Variants in DNAJC24 observed in about 807,000 individuals in gnomAD.
DNAJC24 encodes the protein DnaJ heat shock protein family (Hsp40) member C24.
DNAJC24 carries 17 observed loss-of-function variants against 18.0 expected under a neutral mutation model. The observed-to-expected ratio is 0.94, with a 90% confidence interval of 0.65 to 1.42. DNAJC24 has a LOEUF of 1.42. DNAJC24 is among the 40% of genes most tolerant of loss of function. The pLI is 0.00. For missense variants in DNAJC24, 158 were observed against 175.6 expected (o/e 0.90, Z 0.57); for synonymous variants, 55 against 57.7 (o/e 0.95, Z 0.21).
At chr11:31,376,965 A>T (rs1952321881) in intron 2 of DNAJC24, among the ~76,000 whole-genome samples, 2 of 152,126 alleles carry the variant, frequency 1.3e-5, no homozygotes, top group Admixed American at 6.5e-5. Context: ...CATATTATTT[A>T]TAATGTTTAT....
At chr11:31,422,344 C>A (rs1022119993) in intron 3 of DNAJC24, among the ~76,000 whole-genome samples, 37 of 152,164 alleles carry the variant, frequency 2.4e-4, no homozygotes, top group African/African-American at 8.4e-4. Flanking sequence ...AATCAGGAAT[C>A]TTTTAGTATC....
At chr11:31,410,974 A>G (rs911245859) in intron 2 of DNAJC24, among the ~76,000 whole-genome samples, 2 of 152,148 alleles carry the variant, frequency 1.3e-5, no homozygotes, top group Middle Eastern at 3.2e-3. Context: ...CTTTTATTTG[A>G]TAGGTGAATG....
Position 31,372,949 on chromosome 11 carries a change from G to T in DNAJC24, c.111+2090G>T, listed in dbSNP as rs534183800. 1.5e-5 allele frequency among the ~76,000 whole-genome samples: 2 copies of T among 134,994 alleles called. 1 individual carries two copies. Among genetic ancestry groups the T allele is most frequent in the Admixed American group, 1.5e-4 (2 of 13,148 alleles). 88.6% of individuals were successfully genotyped at this position (134,994 alleles called of 152,430 possible). On this transcript the variant is annotated intron_variant, in intron 2 of 4. Coordinates refer to ENST00000465995, the MANE Select transcript of DNAJC24 (RefSeq NM_181706.5). ...ATCACTGGACTACTCTACAGTGTCT[G>T]GTCATACCCCATTGTGGGGTTGTTG...
chr11:31,398,184 C>T (rs574836948), intron 2 of DNAJC24, among the ~76,000 whole-genome samples: 310 of 152,170 alleles, frequency 2.0e-3, no homozygotes, highest in Middle Eastern at 0.017. Context: ...ACTTTAACTA[C>T]AGTTATTAAA....
intron 2 of DNAJC24, among the ~76,000 whole-genome samples, chr11:31,383,448 A>T (rs916825539): frequency 6.6e-6 from 1 of 152,152 alleles, no homozygotes; most frequent in Non-Finnish European, 1.5e-5. Context: ...AAATACATGT[A>T]TTTCTCATAT....
intron 3 of DNAJC24, among the ~76,000 whole-genome samples, chr11:31,418,837 TC>T: frequency 6.6e-6 from 1 of 152,136 alleles, no homozygotes; most frequent in South Asian, 2.1e-4. Context: ...ATTTGCTCCA[TC>T]CCTTTATTAG....
chr11:31,419,366 G>A (rs955834383), intron 3 of DNAJC24, among the ~76,000 whole-genome samples: 3 of 152,006 alleles, frequency 2.0e-5, no homozygotes, highest in Admixed American at 2.0e-4. Flanking sequence ...TCTTGAGTGG[G>A]AGAAGACAGT....
At chr11:31,391,901 G>A (rs553959485) in intron 2 of DNAJC24, among the ~76,000 whole-genome samples, 2 of 152,196 alleles carry the variant, frequency 1.3e-5, no homozygotes, top group East Asian at 1.9e-4. Context: ...TATACACAAC[G>A]GAGTCCTATT....
At chr11:31,402,282 T>G (rs1239222594) in intron 2 of DNAJC24, among the ~76,000 whole-genome samples, 1 of 152,148 alleles carries the variant, frequency 6.6e-6, no homozygotes, top group East Asian at 1.9e-4. Context: ...TATAAAAGAT[T>G]AAAAATGATA....
intron 3 of DNAJC24, among the ~76,000 whole-genome samples, chr11:31,417,743 A>G (rs986739063): frequency 6.6e-6 from 1 of 152,082 alleles, no homozygotes; most frequent in Non-Finnish European, 1.5e-5. Context: ...GAAATGCTTT[A>G]TTGGCTGGTC....
At chr11:31,372,042 C>T (rs1253493736) in intron 2 of DNAJC24, among the ~76,000 whole-genome samples, 4 of 151,590 alleles carry the variant, frequency 2.6e-5, no homozygotes, top group Non-Finnish European at 4.4e-5. Flanking sequence ...AGGCTGGTCT[C>T]GAACACCTGA....
intron 2 of DNAJC24, among the ~76,000 whole-genome samples, chr11:31,413,940 A>G (rs1353023770): frequency 6.6e-6 from 1 of 152,216 alleles, no homozygotes; most frequent in Non-Finnish European, 1.5e-5. Flanking sequence ...TTAGATAAAA[A>G]GAGAAGGGAG....
intron 2 of DNAJC24, among the ~76,000 whole-genome samples, chr11:31,404,343 T>A (rs988376169): frequency 2.0e-5 from 3 of 152,180 alleles, no homozygotes; most frequent in Non-Finnish European, 4.4e-5. Flanking sequence ...GAACCAAACA[T>A]TTTGTGACTT....
At chr11:31,400,663 C>A (rs1952592686) in intron 2 of DNAJC24, among the ~76,000 whole-genome samples, 1 of 152,220 alleles carries the variant, frequency 6.6e-6, no homozygotes, top group African/African-American at 2.4e-5. Context: ...GCTGGGAAAA[C>A]TGGCTAGCCA....
intron 2 of DNAJC24, among the ~76,000 whole-genome samples, chr11:31,379,970 A>G (rs186947545): frequency 1.0e-3 from 155 of 151,982 alleles, no homozygotes; most frequent in African/African-American, 3.6e-3. Context: ...GGGTTTCACC[A>G]TGTTAGCCAA....
chr11:31,417,948 G>C (rs1045398940), intron 3 of DNAJC24, among the ~76,000 whole-genome samples: 10 of 152,044 alleles, frequency 6.6e-5, no homozygotes, highest in Non-Finnish European at 8.8e-5. Context: ...CTCCAGGGCA[G>C]ATAACCCAAA....
chr11:31,430,546 A>G lies in DNAJC24; in HGVS notation c.*145A>G, dbSNP rs923421907. 4.5e-5 allele frequency: 19 copies of G among 418,508 alleles called. No individual in the cohort carries two copies. The highest frequency in any genetic ancestry group is 7.2e-5 in the Non-Finnish European group (18 of 250,436). 25.9% of individuals were successfully genotyped at this position (418,508 alleles called of 1,614,324 possible). On this transcript the variant is annotated 3_prime_UTR_variant, in exon 5 of 5. Coordinates refer to ENST00000465995, the MANE Select transcript of DNAJC24 (RefSeq NM_181706.5). ...ACAATTATCAAGCAGAGACCACCTC[A>G]GATTAATAGAGAATGAATATAATTA...
intron 4 of DNAJC24, 102 bp downstream of exon 4, chr11:31,426,457 A>AGTGT: frequency 1.5e-6 from 1 of 664,322 alleles, no homozygotes; most frequent in Non-Finnish European, 2.5e-6. Context: ...AAGAAATAAT[A>AGTGT]GTGTGGCTTT....
intron 2 of DNAJC24, among the ~76,000 whole-genome samples, chr11:31,396,753 T>G (rs1302334510): frequency 6.6e-6 from 1 of 152,128 alleles, no homozygotes; most frequent in Non-Finnish European, 1.5e-5. Flanking sequence ...AATGTGGAGT[T>G]TTAATTAGGA....
Sources: allele counts gnomAD v4.1 joint callset (sites outside exome capture counted in the v4.1 genomes callset), GRCh38; gene constraint gnomAD v4.1.1; transcripts MANE v1.5; gene names NCBI Gene and HGNC (gene_info 2026-07-23, HGNC 2026-07-21).